LY6E: variants seen among roughly 807,000 people sequenced by gnomAD.
LY6E encodes the protein lymphocyte antigen 6 family member E, also known as lymphocyte antigen 6E.
Under a neutral mutation model 7.7 loss-of-function variants are expected in LY6E, and 4 were observed. That is an observed-to-expected ratio of 0.52 (90% CI 0.25 to 1.18). The LOEUF is 1.18. Among genes scored for constraint, LY6E ranks in the 50% most tolerant of loss-of-function variants. The pLI is 0.14. For missense variants in LY6E, 156 were observed against 168.0 expected (o/e 0.93, Z 0.40); for synonymous variants, 81 against 80.1 (o/e 1.01, Z -0.06).
At position 143,020,788 on chromosome 8, in the gene LY6E, C is replaced by T. The variant is rs1819199689; in HGVS notation, c.-57-95C>T. 8 of 670,436 alleles carry T rather than the reference C, an allele frequency of 1.2e-5. No homozygotes were observed. The South Asian group carries it at 1.4e-4, about 12-fold the overall frequency. The allele number at this position is 670,436 out of a possible 1,614,324, so 41.5% of individuals were successfully genotyped here. A position where few individuals can be genotyped will look rare whatever the true frequency, so the allele number is the denominator to read the frequency against. ...CTTGTGTGCTGGCAGGTCCCTTCCCCTCTGCTGTCTGTGTCCTCATCTGCA... is the reference window on the plus strand; with the variant it reads ...CTTGTGTGCTGGCAGGTCCCTTCCCTTCTGCTGTCTGTGTCCTCATCTGCA... On this transcript the variant is annotated intron_variant, in intron 1 of 3. Coordinates refer to ENST00000292494, the MANE Select transcript of LY6E (RefSeq NM_002346.3).
chr8:143,021,649 G>A lies in LY6E; in HGVS notation c.256G>A (p.Ala86Thr). 3 of 1,613,932 alleles carry A rather than the reference G, an allele frequency of 1.9e-6. No homozygotes were observed. Among genetic ancestry groups the A allele is most frequent in the South Asian group, 2.2e-5 (2 of 91,086 alleles). The change falls in exon 4 of 4, where the codon GCT becomes ACT. Residue 86 changes from alanine to threonine, a missense_variant. By Grantham distance (58) the Ala-to-Thr change is moderately conservative. Coordinates refer to ENST00000292494, the MANE Select transcript of LY6E (RefSeq NM_002346.3). ...CCCAGAAGGCGTCAATGTTGGTGTG[G>A]CTTCCATGGGCATCAGCTGCTGCCA... ...PIPEGVNVGV[A>T]SMGISCCQSF... is the part of the protein sequence containing the mutation.
At position 143,021,776 on chromosome 8, in the gene LY6E, GGTT is replaced by G; in HGVS notation, c.384_386del (p.Phe129del). On this transcript the variant is annotated inframe_deletion, in exon 4 of 4. Coordinates refer to ENST00000292494, the MANE Select transcript of LY6E (RefSeq NM_002346.3). ...CTGAGCCTGCTGCCGGCCCTGCTGC[GGTT>G]TGGCCCCTGACCGCCCAGACCCTGT... The G allele has an allele frequency of 6.2e-7, 1 of 1,605,070 alleles. No homozygotes were observed. The highest frequency in any genetic ancestry group is 8.5e-7 in the Non-Finnish European group (1 of 1,177,454).
intron 1 of LY6E, among the ~76,000 whole-genome samples, chr8:143,020,092 C>T (rs1224209332): frequency 1.3e-5 from 2 of 152,130 alleles, no homozygotes; most frequent in African/African-American, 2.4e-5. Context: ...ATGGGGAGTG[C>T]TTTCCCCCTC....
At position 143,021,978 on chromosome 8, in the gene LY6E, C is replaced by T. The variant is rs1298153841; in HGVS notation, c.*189C>T. On this transcript the variant is annotated 3_prime_UTR_variant, in exon 4 of 4. Transcript: ENST00000292494. ...TCTGCCCCAAGTGGGGCCAGCTGCC[C>T]TCACTTCTGGGGTGGATGATGTGAC... 3.3e-6 allele frequency: 2 copies of T among 609,028 alleles called. No homozygotes were observed. Among genetic ancestry groups the T allele is most frequent in the Non-Finnish European group, 5.8e-6 (2 of 346,588 alleles). 37.7% of individuals were successfully genotyped at this position (609,028 alleles called of 1,614,324 possible).
Position 143,021,867 on chromosome 8 carries a change from G to T in LY6E, c.*78G>T. The T allele has an allele frequency of 4.6e-6, 6 of 1,300,688 alleles. No homozygotes were observed. Among genetic ancestry groups the T allele is most frequent in the Non-Finnish European group, 5.3e-6 (5 of 950,956 alleles). The allele number at this position is 1,300,688 out of a possible 1,614,324, so 80.6% of individuals were successfully genotyped here. On this transcript the variant is annotated 3_prime_UTR_variant, in exon 4 of 4. Coordinates refer to ENST00000292494, the MANE Select transcript of LY6E (RefSeq NM_002346.3). ...TTTCTGGATCCCACAGTGTATGGGA[G>T]CCCCTGACTCCTCACGTGCCTGATC...
Position 143,020,866 on chromosome 8 carries a change from C to A in LY6E, c.-57-17C>A. The A allele has an allele frequency of 1.4e-6, 2 of 1,447,978 alleles. No homozygotes were observed. The highest frequency in any genetic ancestry group is 1.7e-5 in the Admixed American group (1 of 58,690). The allele number at this position is 1,447,978 out of a possible 1,614,324, so 89.7% of individuals were successfully genotyped here. A position where few individuals can be genotyped will look rare whatever the true frequency, so the allele number is the denominator to read the frequency against. On this transcript the variant is annotated splice_polypyrimidine_tract_variant and intron_variant, in intron 1 of 3. Coordinates refer to ENST00000292494, the MANE Select transcript of LY6E (RefSeq NM_002346.3). Reference sequence around the variant, plus strand: ...AGTGAGGCACCACCCGGCCCCCTAACCAGTGTGTCTCTCCAGAGCAGGACA... The same window carrying A: ...AGTGAGGCACCACCCGGCCCCCTAAACAGTGTGTCTCTCCAGAGCAGGACA...
Position 143,021,877 on chromosome 8 carries a change from C to T in LY6E, c.*88C>T. ...CCACAGTGTATGGGAGCCCCTGACT[C>T]CTCACGTGCCTGATCTGTGCCCTTG... On this transcript the variant is annotated 3_prime_UTR_variant, in exon 4 of 4. Coordinates refer to ENST00000292494, the MANE Select transcript of LY6E (RefSeq NM_002346.3). 1.7e-6 allele frequency: 2 copies of T among 1,200,312 alleles called. No individual in the cohort carries two copies. Among genetic ancestry groups the T allele is most frequent in the Non-Finnish European group, 2.3e-6 (2 of 867,968 alleles). The allele number at this position is 1,200,312 out of a possible 1,614,324, so 74.4% of individuals were successfully genotyped here.
rs1819236473 is a variant in LY6E, at chr8:143,021,922, C to T, written c.*133C>T. 6 of 767,780 alleles carry T rather than the reference C, an allele frequency of 7.8e-6. No individual in the cohort carries two copies. The highest frequency in any genetic ancestry group is 1.2e-5 in the Non-Finnish European group (6 of 489,304). The allele number at this position is 767,780 out of a possible 1,614,324, so 47.6% of individuals were successfully genotyped here. On this transcript the variant is annotated 3_prime_UTR_variant, in exon 4 of 4. Coordinates refer to ENST00000292494, the MANE Select transcript of LY6E (RefSeq NM_002346.3). ...CCCTTGGTCCCAGGTCAGGCCCACCCCCTGCACCTCCACCTGCCCCAGCCC... is the reference window on the plus strand; with the variant it reads ...CCCTTGGTCCCAGGTCAGGCCCACCTCCTGCACCTCCACCTGCCCCAGCCC...
Position 143,020,893 on chromosome 8 carries a change from G to T in LY6E, c.-47G>T, listed in dbSNP as rs759427820. 1 of 1,585,274 alleles carries T rather than the reference G, an allele frequency of 6.3e-7. No homozygotes were observed. Among genetic ancestry groups the T allele is most frequent in the South Asian group, 1.1e-5 (1 of 89,562 alleles). On this transcript the variant is annotated 5_prime_UTR_variant, in exon 2 of 4. Transcript: ENST00000292494. ...AGTGTGTCTCTCCAGAGCAGGACAG[G>T]CTGCTTTGGTTTGTGACCTCCAGGC...
Position 143,018,540 on chromosome 8 carries a change from G to T in LY6E, c.-104G>T, listed in dbSNP as rs1294688359. The T allele has an allele frequency of 5.7e-5, 9 of 157,736 alleles. No homozygotes were observed. Among genetic ancestry groups the T allele is most frequent in the African/African-American group, 1.4e-4 (6 of 41,394 alleles). The allele number at this position is 157,736 out of a possible 1,614,324, so 9.8% of individuals were successfully genotyped here. On this transcript the variant is annotated 5_prime_UTR_variant, in exon 1 of 4. In the 5' UTR this introduces an upstream ATG that the reference lacks. Coordinates refer to ENST00000292494, the MANE Select transcript of LY6E (RefSeq NM_002346.3). ...GCCAGCCGCGGTCCAGAGCGCGCGA[G>T]GTTCGGGGAGCTCGGCCAGGCTGCT...
chr8:143,022,322 C>G lies in LY6E; in HGVS notation c.*533C>G. On this transcript the variant is annotated 3_prime_UTR_variant, in exon 4 of 4. Coordinates refer to ENST00000292494, the MANE Select transcript of LY6E (RefSeq NM_002346.3). Reference sequence around the variant, plus strand: ...GCCACTTCCGGGTCTAGGCCCTGCCCCAAATCCAGCCAGTCCTGCCCCAGC... The same window carrying G: ...GCCACTTCCGGGTCTAGGCCCTGCCGCAAATCCAGCCAGTCCTGCCCCAGC... 6.3e-6 allele frequency: 1 copy of G among 157,898 alleles called. No individual in the cohort carries two copies. Among genetic ancestry groups the G allele is most frequent in the Non-Finnish European group, 1.4e-5 (1 of 72,076 alleles). The allele number at this position is 157,898 out of a possible 1,614,324, so 9.8% of individuals were successfully genotyped here. A position where few individuals can be genotyped will look rare whatever the true frequency, so the allele number is the denominator to read the frequency against.
chr8:143,021,632 GCGT>G lies in LY6E; in HGVS notation c.241_243del (p.Val81del). The G allele has an allele frequency of 6.2e-7, 1 of 1,613,984 alleles. No homozygotes were observed. Among genetic ancestry groups the G allele is most frequent in the South Asian group, 1.1e-5 (1 of 91,080 alleles). On this transcript the variant is annotated inframe_deletion, in exon 4 of 4. Transcript: ENST00000292494. ...TCCCCGGCCTGCCCCATCCCAGAAG[GCGT>G]CAATGTTGGTGTGGCTTCCATGGGC...
rs1819128185 is a variant in LY6E at position 143,018,603 on chromosome 8, C to G, written c.-58+17C>G. 1 of 149,412 alleles carries G rather than the reference C, an allele frequency of 6.7e-6. No individual in the cohort carries two copies. The highest frequency in any genetic ancestry group is 2.1e-4 in the South Asian group (1 of 4,838). 9.3% of individuals were successfully genotyped at this position (149,412 alleles called of 1,614,324 possible). ...CGCCCGGCGGTGAGTCCGCGGGCCC[C>G]CGGCCGGGACGCCCCCGCCACCTGC... On this transcript the variant is annotated intron_variant, in intron 1 of 3. Coordinates refer to ENST00000292494, the MANE Select transcript of LY6E (RefSeq NM_002346.3).
chr8:143,021,081 G>A, intron 2 of LY6E, 90 bp downstream of exon 2: 7 of 1,459,504 alleles, frequency 4.8e-6, no homozygotes, highest in Non-Finnish European at 5.7e-6. Flanking sequence ...GACGCCCCAG[G>A]GGTCCTTCCA....
chr8:143,020,766 G>A (rs910645781), intron 1 of LY6E, 117 bp from the exon 2 acceptor site: 5 of 623,070 alleles, frequency 8.0e-6, no homozygotes, highest in East Asian at 5.5e-5. Flanking sequence ...GGAAGTCCTT[G>A]TGTGCTGGCA....
At position 143,021,898 on chromosome 8, in the gene LY6E, C is replaced by T; in HGVS notation, c.*109C>T. On this transcript the variant is annotated 3_prime_UTR_variant, in exon 4 of 4. Coordinates refer to ENST00000292494, the MANE Select transcript of LY6E (RefSeq NM_002346.3). ...GACTCCTCACGTGCCTGATCTGTGC[C>T]CTTGGTCCCAGGTCAGGCCCACCCC... 1 of 1,061,376 alleles carries T rather than the reference C, an allele frequency of 9.4e-7. No homozygotes were observed. The highest frequency in any genetic ancestry group is 1.3e-6 in the Non-Finnish European group (1 of 751,854). The allele number at this position is 1,061,376 out of a possible 1,614,324, so 65.7% of individuals were successfully genotyped here.
rs1304073404 is a variant in LY6E at position 143,021,785 on chromosome 8, CCT to C, written c.393_394del (p.Ter132ThrfsTer34). 10 of 1,599,986 alleles carry C rather than the reference CCT, an allele frequency of 6.3e-6. No homozygotes were observed. Among genetic ancestry groups the C allele is most frequent in the South Asian group, 1.1e-5 (1 of 89,994 alleles). ...CTGCCGGCCCTGCTGCGGTTTGGCCCCTGACCGCCCAGACCCTGTCCCCCGAT... is the reference window on the plus strand; with the variant it reads ...CTGCCGGCCCTGCTGCGGTTTGGCCCGACCGCCCAGACCCTGTCCCCCGAT... On this transcript the variant is annotated frameshift_variant and stop_lost, in exon 4 of 4. Coordinates refer to ENST00000292494, the MANE Select transcript of LY6E (RefSeq NM_002346.3). LOFTEE classifies it high-confidence loss of function.
At chr8:143,021,087 T>G (rs1312703848) in intron 2 of LY6E, 96 bp downstream of exon 2, 3 of 1,409,958 alleles carry the variant, frequency 2.1e-6, no homozygotes, top group Non-Finnish European at 3.0e-6. Flanking sequence ...CCAGGGGTCC[T>G]TCCAGGCCGC....
Position 143,021,457 on chromosome 8 carries a change from G to T in LY6E, c.172+24G>T, listed in dbSNP as rs200123143. On this transcript the variant is annotated intron_variant, in intron 3 of 3. Transcript: ENST00000292494. ...TGGTGAGTGCCAGGCCTCAGACCGTGCCTTCCTCCCCTGGCCATCTCCCTA... is the reference window on the plus strand; with the variant it reads ...TGGTGAGTGCCAGGCCTCAGACCGTTCCTTCCTCCCCTGGCCATCTCCCTA... 1.9e-6 allele frequency: 3 copies of T among 1,613,730 alleles called. No homozygotes were observed. In the African/African-American group the frequency reaches 4.0e-5, roughly 22 times the overall value.
Sources: allele counts gnomAD v4.1 joint callset (sites outside exome capture counted in the v4.1 genomes callset), GRCh38; gene constraint gnomAD v4.1.1; transcripts MANE v1.5; gene names NCBI Gene and HGNC (gene_info 2026-07-23, HGNC 2026-07-21).